Variants in MBD2 observed in about 807,000 individuals in gnomAD.
MBD2 encodes the protein methyl-CpG-binding domain protein 2.
In MBD2, 9 loss-of-function variants were observed where a neutral mutation model predicts 39.3. The ratio of observed to expected loss-of-function variants is 0.23; its 90% CI spans 0.14 to 0.40. The LOEUF is 0.40. MBD2 is among the 10% of genes least tolerant of loss of function. The probability of loss-of-function intolerance (pLI) is 1.00; values close to 1 mark genes in which losing one functional copy is unlikely to be tolerated. For missense variants in MBD2, 458 were observed against 532.6 expected, an observed-to-expected ratio of 0.86 and a Z score of 1.38; for synonymous variants, 233 against 211.1, an observed-to-expected ratio of 1.10 and a Z score of -0.90.
intron 1 of MBD2, 100 bp from the exon 2 acceptor site, chr18:54,205,257 A>T (rs1314955529): frequency 9.8e-7 from 1 of 1,015,472 alleles, no homozygotes; most frequent in African/African-American, 1.6e-5. Flanking sequence ...CCCCATTCTA[A>T]TTTTACATAT....
chr18:54,215,872 G>C (rs897636963), intron 1 of MBD2, among the ~76,000 whole-genome samples: 1 of 151,402 alleles, frequency 6.6e-6, no homozygotes, highest in Non-Finnish European at 1.5e-5. Flanking sequence ...TGCAATCTCG[G>C]CTCACTGCAA....
chr18:54,212,557 A>C (rs1407250970), intron 1 of MBD2, among the ~76,000 whole-genome samples: 4 of 152,204 alleles, frequency 2.6e-5, no homozygotes, highest in Non-Finnish European at 5.9e-5. Context: ...GGATGAAATA[A>C]GATTGACTAT....
chr18:54,177,630 G>A (rs1599084218), intron 3 of MBD2, among the ~76,000 whole-genome samples: 1 of 151,664 alleles, frequency 6.6e-6, no homozygotes, highest in African/African-American at 2.4e-5. Context: ...ACAGGCGCCC[G>A]CCACCACGCC....
chr18:54,180,897 C>CTT (rs1211071727), intron 3 of MBD2, among the ~76,000 whole-genome samples: 1,066 of 105,236 alleles, frequency 0.01, 41 homozygotes, highest in East Asian at 0.02. Flanking sequence ...TTAATTTTTT[C>CTT]TTTTTCTTTT....
At chr18:54,205,885 G>A (rs554965767) in intron 1 of MBD2, among the ~76,000 whole-genome samples, 5 of 150,986 alleles carry the variant, frequency 3.3e-5, no homozygotes, top group African/African-American at 4.9e-5. Flanking sequence ...ATACAACTAC[G>A]CCAGCAATAA....
At position 54,157,330 on chromosome 18, in the gene MBD2, G is replaced by T. The variant is rs142090288; in HGVS notation, c.*13-2019C>A. ...GGCTGTAGTGCAGTGGCGCGATCTC[G>T]GCTCACTGCAACCTCCGCCTCCCAG... On this transcript the variant is annotated intron_variant, in intron 6 of 6. Transcript: ENST00000256429. 2.7e-3 allele frequency among the ~76,000 whole-genome samples: 415 copies of T among 151,404 alleles called. 4 individuals carry two copies. Among genetic ancestry groups the T allele is most frequent in the African/African-American group, 9.4e-3 (388 of 41,202 alleles).
intron 3 of MBD2, among the ~76,000 whole-genome samples, chr18:54,173,005 T>C (rs1220142853): frequency 1.3e-5 from 2 of 152,314 alleles, no homozygotes; most frequent in East Asian, 3.9e-4. Context: ...ACAATAGCAC[T>C]TAATAAGTAG....
intron 5 of MBD2, among the ~76,000 whole-genome samples, chr18:54,160,975 G>GA (rs35601988): frequency 0.44 from 65,091 of 147,214 alleles, 14,657 homozygotes; most frequent in African/African-American, 0.54. Flanking sequence ...GGGTTCTACT[G>GA]AAAAAAAAAA....
At chr18:54,169,156 G>A (rs746871633) in intron 3 of MBD2, among the ~76,000 whole-genome samples, 1 of 152,118 alleles carries the variant, frequency 6.6e-6, no homozygotes, top group Non-Finnish European at 1.5e-5. Context: ...GGGGTGCTAG[G>A]ACTGTACTTT....
intron 1 of MBD2, among the ~76,000 whole-genome samples, chr18:54,213,049 T>G (rs1177472563): frequency 2.0e-5 from 1 of 50,946 alleles, no homozygotes; most frequent in Admixed American, 2.9e-4. Flanking sequence ...AAAAAATTCC[T>G]TGGCAGTGGG....
intron 1 of MBD2, among the ~76,000 whole-genome samples, chr18:54,206,922 C>T (rs1176501810): frequency 6.6e-6 from 1 of 152,204 alleles, no homozygotes; most frequent in African/African-American, 2.4e-5. Context: ...TCTCTGCCCA[C>T]CAGAGTTCCA....
chr18:54,161,135 A>G (rs2086094889), intron 5 of MBD2, among the ~76,000 whole-genome samples: 1 of 152,182 alleles, frequency 6.6e-6, no homozygotes, highest in Non-Finnish European at 1.5e-5. Context: ...CTGCCAAGTT[A>G]TATTCAGTCT....
chr18:54,178,558 T>TA (rs1027528056), intron 3 of MBD2, among the ~76,000 whole-genome samples: 9 of 150,220 alleles, frequency 6.0e-5, no homozygotes, highest in South Asian at 4.2e-4. Context: ...AATACAGGCA[T>TA]AAAAAAAAAC....
intron 3 of MBD2, among the ~76,000 whole-genome samples, chr18:54,178,856 G>T (rs1161889328): frequency 7.9e-5 from 12 of 151,780 alleles, no homozygotes; most frequent in Non-Finnish European, 1.8e-4. Flanking sequence ...AATATTACTA[G>T]AAATATATAA....
chr18:54,224,278 G>GCGGCCCCGGCCC lies in MBD2; in HGVS notation c.270_281dup (p.Gly93_Arg96dup). 1 of 942,260 alleles carries GCGGCCCCGGCCC rather than the reference G, an allele frequency of 1.1e-6. No individual in the cohort carries two copies. The highest frequency in any genetic ancestry group is 1.3e-6 in the Non-Finnish European group (1 of 794,130). 58.4% of individuals were successfully genotyped at this position (942,260 alleles called of 1,614,324 possible). A position where few individuals can be genotyped will look rare whatever the true frequency, so the allele number is the denominator to read the frequency against. ...CGCTGCCGCCACTCGGGGGACGGCC[G>GCGGCCCCGGCCC]CGGCCCCGGCCCCGGCCCCGTCCCC... On this transcript the variant is annotated inframe_insertion, in exon 1 of 7. Coordinates refer to ENST00000256429, the MANE Select transcript of MBD2 (RefSeq NM_003927.5).
At chr18:54,162,495 T>C (rs2086104345) in intron 5 of MBD2, among the ~76,000 whole-genome samples, 1 of 152,212 alleles carries the variant, frequency 6.6e-6, no homozygotes, top group Non-Finnish European at 1.5e-5. Context: ...AATGAGCAAT[T>C]TGTTAGACAA....
At chr18:54,206,454 T>C (rs2086450537) in intron 1 of MBD2, among the ~76,000 whole-genome samples, 1 of 152,220 alleles carries the variant, frequency 6.6e-6, no homozygotes, top group Non-Finnish European at 1.5e-5. Context: ...TGTGTCACAT[T>C]TAGAACTTAA....
chr18:54,162,546 T>C (rs1332254675), intron 5 of MBD2, among the ~76,000 whole-genome samples: 7 of 152,244 alleles, frequency 4.6e-5, no homozygotes, highest in Non-Finnish European at 1.0e-4. Context: ...GGCTTTGAGA[T>C]AGTTTCCTCA....
At chr18:54,166,639 T>C (rs868114915) in intron 3 of MBD2, among the ~76,000 whole-genome samples, 9 of 152,248 alleles carry the variant, frequency 5.9e-5, no homozygotes, top group African/African-American at 2.2e-4. Flanking sequence ...TTTAGCACAC[T>C]TTAAGGGAGA....
Sources: allele counts gnomAD v4.1 joint callset (sites outside exome capture counted in the v4.1 genomes callset), GRCh38; gene constraint gnomAD v4.1.1; transcripts MANE v1.5; gene names NCBI Gene and HGNC (gene_info 2026-07-23, HGNC 2026-07-21).